PCNX1: variants seen among roughly 807,000 people sequenced by gnomAD.
PCNX1 encodes pecanex-like protein 1.
PCNX1 carries 78 observed loss-of-function variants against 242.2 expected under a neutral mutation model. The observed-to-expected ratio is 0.32, with a 90% CI of 0.27 to 0.39. The LOEUF (loss-of-function observed/expected upper bound fraction) is 0.39, where lower values mean the gene tolerates loss of function less well. Ranked by LOEUF, PCNX1 falls within the 10% of genes least tolerant of loss-of-function variation. The pLI, the probability that PCNX1 is intolerant of heterozygous loss-of-function variation, is 1.00. For missense variants in PCNX1, 2,581 were observed against 2,856.5 expected, an observed-to-expected ratio of 0.90 and a Z score of 2.20; for synonymous variants, 1,024 against 1,032.9, an observed-to-expected ratio of 0.99 and a Z score of 0.17.
At chr14:70,913,061 CAT>C (rs564437386) in intron 1 of PCNX1, among the ~76,000 whole-genome samples, 252 of 152,226 alleles carry the variant, frequency 1.7e-3, no homozygotes, top group African/African-American at 5.8e-3. Flanking sequence ...TTAACACAAA[CAT>C]ATATTTTTTG....
chr14:70,949,193 C>CACAA lies in PCNX1; in HGVS notation c.362+2071_362+2072insCAAA, dbSNP rs1555345808. Among the ~76,000 whole-genome samples, 123 of 139,080 alleles carry CACAA rather than the reference C, an allele frequency of 8.8e-4. 2 individuals are homozygous for CACAA. In the South Asian group the frequency reaches 0.018, roughly 21 times the overall value. 91.2% of individuals were successfully genotyped at this position (139,080 alleles called of 152,430 possible). On this transcript the variant is annotated intron_variant, in intron 2 of 35. Coordinates refer to ENST00000304743, the MANE Select transcript of PCNX1 (RefSeq NM_014982.3). ...ATGCTTATACATCTCAGCATTTACT[C>CACAA]ATAGTGTGTATATACACATGTATAT... is the stretch of plus-strand genomic sequence containing the variant.
intron 1 of PCNX1, among the ~76,000 whole-genome samples, chr14:70,923,292 A>G (rs760931130): frequency 6.6e-6 from 1 of 152,148 alleles, no homozygotes; most frequent in African/African-American, 2.4e-5. Flanking sequence ...TCTCCATGCT[A>G]TAAAATTCTG....
chr14:71,102,300 A>T (rs2062484923), intron 31 of PCNX1, 80 bp downstream of exon 31: 8 of 957,038 alleles, frequency 8.4e-6, no homozygotes, highest in South Asian at 4.5e-5. Context: ...TTTGAGACAG[A>T]GTCTCACTTT....
At chr14:71,107,228 T>C (rs1458883367) in intron 33 of PCNX1, among the ~76,000 whole-genome samples, 2 of 152,136 alleles carry the variant, frequency 1.3e-5, no homozygotes, top group Non-Finnish European at 2.9e-5. Context: ...TTTACTTAAA[T>C]GTAAAGACAT....
Position 70,995,919 on chromosome 14 carries a change from G to A in PCNX1, c.2623G>A (p.Glu875Lys). The change falls in exon 8 of 36, where the codon GAA (glutamate) becomes AAA (lysine). Residue 875 changes from glutamate to lysine, a missense_variant. This residue lies in a region of PCNX1 where 1,204 missense variants were observed against 1,216.7 expected (regional missense o/e 0.99). Coordinates refer to ENST00000304743, the MANE Select transcript of PCNX1 (RefSeq NM_014982.3). ...SAVGGSSLHD[E>K]LGKFSSTLYE... ...TGTAGGCGGTAGCAGTTTGCACGAT[G>A]AACTTGGTATGCAGGCCTTATGTAA... 1 of 1,612,992 alleles carries A rather than the reference G, an allele frequency of 6.2e-7. No individual in the cohort carries two copies. Among genetic ancestry groups the A allele is most frequent in the Non-Finnish European group, 8.5e-7 (1 of 1,178,950 alleles).
rs1594903859 is a variant in PCNX1, at chr14:70,923,652, A to G, written c.153+15649A>G. ...CCTCTCCCCTACCATACTAGTGTAT[A>G]TACTGGCTTCCCCACCCCCCACTTA... On this transcript the variant is annotated intron_variant, in intron 1 of 35. Coordinates refer to ENST00000304743, the MANE Select transcript of PCNX1 (RefSeq NM_014982.3). 3.3e-5 allele frequency among the ~76,000 whole-genome samples: 5 copies of G among 152,316 alleles called. No homozygotes were observed. The South Asian group carries it at 1.0e-3, about 32-fold the overall frequency.
chr14:71,018,922 CA>C, intron 11 of PCNX1, 86 bp from the exon 12 acceptor site: 1 of 1,147,360 alleles, frequency 8.7e-7, no homozygotes, highest in Non-Finnish European at 1.2e-6. Context: ...CCATGAACTT[CA>C]TATTTATGTC....
intron 1 of PCNX1, among the ~76,000 whole-genome samples, chr14:70,917,809 C>G (rs1411979055): frequency 6.6e-6 from 1 of 152,194 alleles, no homozygotes; most frequent in Admixed American, 6.5e-5. Context: ...CCTTCTCTGG[C>G]TATGAAAGGC....
intron 8 of PCNX1, among the ~76,000 whole-genome samples, chr14:71,004,977 A>C (rs17108873): frequency 0.13 from 19,112 of 152,068 alleles, 1,540 homozygotes; most frequent in African/African-American, 0.22. Flanking sequence ...TATGAGTAAT[A>C]CTTAAAAAAA....
intron 16 of PCNX1, among the ~76,000 whole-genome samples, chr14:71,030,409 G>A (rs925965091): frequency 6.6e-6 from 1 of 151,924 alleles, no homozygotes; most frequent in Non-Finnish European, 1.5e-5. Flanking sequence ...TAGTTTACGT[G>A]CCTAGATTAG....
Position 70,976,325 on chromosome 14 carries a change from A to T in PCNX1, c.605-617A>T, listed in dbSNP as rs780343597. On this transcript the variant is annotated intron_variant, in intron 5 of 35. Coordinates refer to ENST00000304743, the MANE Select transcript of PCNX1 (RefSeq NM_014982.3). ...GGAGATAGAGCTTGCATAGAAATCC[A>T]GGCCTATTTTAAGTATAGTCCTTTG... Among the ~76,000 whole-genome samples, 12 of 151,772 alleles carry T rather than the reference A, an allele frequency of 7.9e-5. No homozygotes were observed. In the East Asian group the frequency reaches 2.3e-3, roughly 29 times the overall value.
intron 29 of PCNX1, 21 bp from the exon 30 acceptor site, chr14:71,089,171 T>G: frequency 6.3e-7 from 1 of 1,578,352 alleles, no homozygotes; most frequent in Non-Finnish European, 8.7e-7. Flanking sequence ...ACATGTGAAC[T>G]TTTATCTCCA....
At chr14:71,028,429 A>G (rs1024351701) in intron 15 of PCNX1, among the ~76,000 whole-genome samples, 10 of 151,954 alleles carry the variant, frequency 6.6e-5, no homozygotes, top group Admixed American at 6.6e-4. Context: ...GAAGCATAAT[A>G]TAGATAAAAT....
chr14:70,974,582 T>C (rs754159293), intron 5 of PCNX1, among the ~76,000 whole-genome samples: 1 of 152,244 alleles, frequency 6.6e-6, no homozygotes, highest in Non-Finnish European at 1.5e-5. Context: ...AGAACTTTTA[T>C]AATAAGGTGA....
At chr14:71,053,257 T>C (rs2061088171) in intron 24 of PCNX1, 1 of 450,964 alleles carries the variant, frequency 2.2e-6, no homozygotes, top group African/African-American at 2.0e-5. Context: ...CTTTATACTC[T>C]TTTTTTTTCT....
intron 8 of PCNX1, among the ~76,000 whole-genome samples, chr14:70,997,504 TTACA>T (rs1256380113): frequency 6.6e-6 from 1 of 152,184 alleles, no homozygotes; most frequent in African/African-American, 2.4e-5. Context: ...TTGAAAATAC[TTACA>T]TATGAACTGC....
At chr14:71,095,337 G>A (rs1051340407) in intron 30 of PCNX1, among the ~76,000 whole-genome samples, 9 of 152,126 alleles carry the variant, frequency 5.9e-5, no homozygotes, top group African/African-American at 2.2e-4. Context: ...TGGTACAGTG[G>A]ACTGTAAATG....
At chr14:70,950,423 T>G (rs146601213) in intron 2 of PCNX1, among the ~76,000 whole-genome samples, 2 of 152,280 alleles carry the variant, frequency 1.3e-5, no homozygotes, top group African/African-American at 4.8e-5. Context: ...ATTATATCAA[T>G]CATTTTGAAA....
chr14:71,008,199 G>C (rs1385433409), intron 8 of PCNX1, among the ~76,000 whole-genome samples: 1 of 152,046 alleles, frequency 6.6e-6, no homozygotes, highest in Non-Finnish European at 1.5e-5. Context: ...TAATGCTTGA[G>C]ATGTTCTGTA....
Sources: gnomAD v4.1 joint callset for allele counts (sites outside exome capture counted in the v4.1 genomes callset) on GRCh38, gnomAD v4.1.1 for gene constraint, gnomAD v4.1.1 regional missense constraint, MANE v1.5 for transcripts, NCBI Gene and HGNC (gene_info 2026-07-23, HGNC 2026-07-21) for gene names.